The following CD46 variants were observed in gnomAD, a reference collection of about 807,000 sequenced individuals.
CD46 encodes CD46 molecule.
A neutral mutation model predicts 53.3 loss-of-function variants in CD46; 30 were observed. The observed-to-expected ratio is 0.56, with a 90% CI of 0.42 to 0.76. The LOEUF is 0.76. CD46 is among the 30% of genes least tolerant of loss of function. The pLI, the probability that CD46 is intolerant of heterozygous loss-of-function variation, is 0.00. For missense variants in CD46, 409 were observed against 463.0 expected (o/e 0.88, Z 1.07); for synonymous variants, 142 against 152.0 (o/e 0.93, Z 0.48).
intron 5 of CD46, chr1:207,762,878 C>T (rs1656388919): frequency 6.6e-6 from 1 of 152,554 alleles, no homozygotes; most frequent in African/African-American, 2.4e-5. Flanking sequence ...TGTGCCATGC[C>T]CCCCGCTTTG....
chr1:207,757,696 T>A, intron 3 of CD46, 54 bp downstream of exon 3: 1 of 1,163,870 alleles, frequency 8.6e-7, no homozygotes, highest in South Asian at 1.3e-5. Flanking sequence ...TATTTTTGTT[T>A]TGCTTCTCTT....
At chr1:207,755,114 T>TCAAAA (rs1390508863) in intron 1 of CD46, among the ~76,000 whole-genome samples, 4 of 150,844 alleles carry the variant, frequency 2.7e-5, no homozygotes, top group Admixed American at 1.3e-4. Flanking sequence ...AGACCCTGTC[T>TCAAAA]CAAAACAAAA....
intron 3 of CD46, among the ~76,000 whole-genome samples, chr1:207,759,093 T>C (rs1036590801): frequency 2.0e-5 from 3 of 152,190 alleles, no homozygotes; most frequent in African/African-American, 7.2e-5. Flanking sequence ...ATAATATTAA[T>C]AGAAGCTAAA....
chr1:207,774,827 C>G (rs941036995), intron 8 of CD46, among the ~76,000 whole-genome samples: 1 of 152,096 alleles, frequency 6.6e-6, no homozygotes, highest in Non-Finnish European at 1.5e-5. Flanking sequence ...TTTTTTCCTT[C>G]GTTTCAACCT....
intron 8 of CD46, among the ~76,000 whole-genome samples, chr1:207,780,777 T>C (rs993537488): frequency 1.3e-5 from 2 of 152,134 alleles, no homozygotes; most frequent in African/African-American, 4.8e-5. Context: ...TTGTATGTGA[T>C]AACAGAATAC....
chr1:207,752,868 A>G lies in CD46; in HGVS notation c.97+559A>G, dbSNP rs558119613. ...TGCTGTGCGTAAGTGGCCTGTGTGCAGAGTTCACTGTGGGCAAGACAGCTC... is the reference window on the plus strand; with the variant it reads ...TGCTGTGCGTAAGTGGCCTGTGTGCGGAGTTCACTGTGGGCAAGACAGCTC... On this transcript the variant is annotated intron_variant, in intron 1 of 12. Coordinates refer to ENST00000367042, the MANE Select transcript of CD46 (RefSeq NM_172351.3). The surrounding 1 kb of genome is among the most constrained non-coding windows in gnomAD (Gnocchi z 4.1). 6.6e-6 allele frequency among the ~76,000 whole-genome samples: 1 copy of G among 152,028 alleles called. No homozygotes were observed. The highest frequency in any genetic ancestry group is 1.9e-4 in the East Asian group (1 of 5,178).
At chr1:207,793,343 T>A (rs1243926731) in intron 12 of CD46, among the ~76,000 whole-genome samples, 176 bp from the exon 13 acceptor site, 1 of 152,238 alleles carries the variant, frequency 6.6e-6, no homozygotes, top group Non-Finnish European at 1.5e-5. Context: ...AAGGTTTTTT[T>A]TACAGTGAGA....
intron 6 of CD46, 134 bp downstream of exon 6, chr1:207,767,329 T>G: frequency 1.2e-6 from 1 of 819,070 alleles, no homozygotes; most frequent in South Asian, 1.5e-5. Flanking sequence ...TAACTCTGTC[T>G]TGTATTCATT....
intron 8 of CD46, among the ~76,000 whole-genome samples, chr1:207,780,345 A>T (rs1023013896): frequency 2.6e-5 from 4 of 152,160 alleles, no homozygotes; most frequent in Non-Finnish European, 4.4e-5. Context: ...TTTAAGGTTC[A>T]TCTAGATCTA....
chr1:207,766,913 T>G (rs1158981453), intron 5 of CD46, 100 bp from the exon 6 acceptor site: 2 of 884,466 alleles, frequency 2.3e-6, no homozygotes, highest in African/African-American at 3.4e-5. Context: ...CATCTTGCAT[T>G]CCATTCCTTG....
At position 207,795,043 on chromosome 1, in the gene CD46, A is replaced by G. The variant is rs1660132934; in HGVS notation, c.*1566A>G. On this transcript the variant is annotated 3_prime_UTR_variant, in exon 13 of 13. Transcript: ENST00000367042. ...GCTTTAGGAAGATAAAAGTTTGAGG[A>G]GAACAAACAGGAATTCTGAATTAAG... 6.6e-6 allele frequency: 1 copy of G among 152,250 alleles called. No homozygotes were observed. The highest frequency in any genetic ancestry group is 2.1e-4 in the South Asian group (1 of 4,836). The allele number at this position is 152,250 out of a possible 1,614,324, so 9.4% of individuals were successfully genotyped here.
At position 207,761,296 on chromosome 1, in the gene CD46, T is replaced by G. The variant is rs141925692; in HGVS notation, c.523T>G (p.Phe175Val). The G allele has an allele frequency of 2.5e-6, 4 of 1,613,104 alleles. 1 individual carries two copies. The highest frequency in any genetic ancestry group is 3.4e-6 in the Non-Finnish European group (4 of 1,179,232). The change falls in exon 5 of 13, where the codon TTT becomes GTT. Residue 175 changes from phenylalanine (F) to valine (V), a missense_variant. Phe to Val is a conservative substitution (Grantham distance 50). Coordinates refer to ENST00000367042, the MANE Select transcript of CD46 (RefSeq NM_172351.3). The part of the protein sequence containing the change: ...PPKIKNGKHT[F>V]SEVEVFEYLD... ...AAAAATAAAAAATGGAAAACACACC[T>G]TTAGTGAAGTAGAAGTATTTGAGTA...
At chr1:207,753,385 C>T (rs1040905360) in intron 1 of CD46, among the ~76,000 whole-genome samples, 3 of 152,212 alleles carry the variant, frequency 2.0e-5, no homozygotes, top group African/African-American at 7.2e-5. Flanking sequence ...AAAATGCATG[C>T]TAGGCCAGGC....
chr1:207,776,280 C>T (rs1369007366), intron 8 of CD46, among the ~76,000 whole-genome samples: 1 of 152,246 alleles, frequency 6.6e-6, no homozygotes, highest in African/African-American at 2.4e-5. Flanking sequence ...CAGTCTGTCA[C>T]GGCTTCCCTT....
intron 4 of CD46, 137 bp from the exon 5 acceptor site, chr1:207,761,112 C>T: frequency 1.6e-6 from 1 of 615,748 alleles, no homozygotes; most frequent in Middle Eastern, 4.3e-4. Flanking sequence ...CTCATAGAAA[C>T]CTTCTTTTAA....
In CD46 at chr1:207,786,525, GA is replaced by G. The variant is rs1324143242; in HGVS notation, c.1082+846del. Among the ~76,000 whole-genome samples, 5 of 152,280 alleles carry G rather than the reference GA, an allele frequency of 3.3e-5. No homozygotes were observed. The South Asian group carries it at 1.0e-3, about 32-fold the overall frequency. ...AACACAGACTAAGATTAGGTGCTTT[GA>G]AATTTCTGAAAGATAATATACATTC... is the stretch of plus-strand genomic sequence containing the variant. On this transcript the variant is annotated intron_variant, in intron 11 of 12. Coordinates refer to ENST00000367042, the MANE Select transcript of CD46 (RefSeq NM_172351.3).
rs1269168321 is a variant in CD46, at chr1:207,792,856, TAA to T, written c.*42-660_*42-659del. On this transcript the variant is annotated intron_variant, in intron 12 of 12. Transcript: ENST00000367042. The stretch of plus-strand genomic sequence containing the variant: ...TTTCAAAGACTAAGCCAAAAAAATG[TAA>T]AATACATCTCAATATTTTGGTTATA... Among the ~76,000 whole-genome samples the T allele has an allele frequency of 3.3e-5, 5 of 152,220 alleles. No individual in the cohort carries two copies. The East Asian group carries it at 9.6e-4, about 29-fold the overall frequency.
intron 11 of CD46, 194 bp downstream of exon 11, chr1:207,785,876 TA>T: frequency 1.8e-6 from 1 of 542,384 alleles, no homozygotes; most frequent in Non-Finnish European, 3.3e-6. Flanking sequence ...CACTGCAACA[TA>T]AAAACATCTG....
chr1:207,779,913 CTTTT>C (rs66758503), intron 8 of CD46, among the ~76,000 whole-genome samples: 2 of 62,372 alleles, frequency 3.2e-5, no homozygotes, highest in Non-Finnish European at 6.0e-5. Context: ...AAAAGCAAGT[CTTTT>C]TTTTTTTTTT....
Sources: gnomAD v4.1 joint callset for allele counts (sites outside exome capture counted in the v4.1 genomes callset) on GRCh38, gnomAD v4.1.1 for gene constraint, Gnocchi (gnomAD v3.1) non-coding constraint, MANE v1.5 for transcripts, NCBI Gene and HGNC (gene_info 2026-07-23, HGNC 2026-07-21) for gene names.